Variants in GRM1 observed in about 807,000 individuals in gnomAD.
GRM1 encodes metabotropic glutamate receptor 1.
A neutral mutation model predicts 90.9 loss-of-function variants in GRM1; 33 were observed. The observed-to-expected ratio is 0.36, with a 90% CI of 0.28 to 0.49. GRM1 has a LOEUF of 0.49. GRM1 is among the 20% of genes least tolerant of loss of function. The pLI is 0.99. For synonymous variants in GRM1, 700 were observed against 613.2 expected, an observed-to-expected ratio of 1.14 and a Z score of -2.09; for missense variants, 1,190 against 1,534.3, an observed-to-expected ratio of 0.78 and a Z score of 3.75.
At chr6:146,186,943 G>T (rs936527467) in intron 2 of GRM1, among the ~76,000 whole-genome samples, 1 of 152,116 alleles carries the variant, frequency 6.6e-6, no homozygotes, top group African/African-American at 2.4e-5. Flanking sequence ...AACTTTAAAG[G>T]TCTCTACCTA....
intron 7 of GRM1, among the ~76,000 whole-genome samples, chr6:146,423,409 T>C (rs1440246789): frequency 2.6e-5 from 4 of 152,114 alleles, no homozygotes; most frequent in African/African-American, 9.7e-5. Flanking sequence ...ATGTTTCACT[T>C]CAATGCAAAG....
Position 146,386,940 on chromosome 6 carries a change from A to G in GRM1, c.1653A>G (p.Lys551=). Residue 551 remains lysine, a synonymous_variant, in exon 6 of 8, where the codon AAA becomes AAG. Transcript: ENST00000282753. ...VSCCWICTAC[K]ENEYVQDEFT... The stretch of plus-strand genomic sequence containing the variant: ...GCTGCTGGATTTGCACGGCCTGCAA[A>G]GAGAATGAATATGTGCAAGATGAGT... The G allele has an allele frequency of 1.9e-6, 3 of 1,612,024 alleles. No individual in the cohort carries two copies. Among genetic ancestry groups the G allele is most frequent in the Non-Finnish European group, 2.5e-6 (3 of 1,178,228 alleles).
At chr6:146,353,920 C>T (rs1279525937) in intron 4 of GRM1, among the ~76,000 whole-genome samples, 1 of 152,198 alleles carries the variant, frequency 6.6e-6, no homozygotes, top group African/African-American at 2.4e-5. Context: ...GCGTGAGCCA[C>T]TTTGCCCGGC....
chr6:146,204,322 T>A (rs954492202), intron 2 of GRM1, among the ~76,000 whole-genome samples: 2 of 152,210 alleles, frequency 1.3e-5, no homozygotes, highest in African/African-American at 4.8e-5. Context: ...ATTTGCCAAT[T>A]TACCCTAATT....
At chr6:146,316,413 A>G (rs1372268867) in intron 3 of GRM1, among the ~76,000 whole-genome samples, 1 of 152,188 alleles carries the variant, frequency 6.6e-6, no homozygotes, top group Non-Finnish European at 1.5e-5. Flanking sequence ...CATGGAAATG[A>G]ATTTATTCAC....
intron 2 of GRM1, among the ~76,000 whole-genome samples, chr6:146,185,941 C>G (rs913331050): frequency 3.3e-5 from 5 of 151,218 alleles, no homozygotes; most frequent in South Asian, 2.1e-4. Context: ...TATAGACATA[C>G]TTTTTTTTCT....
intron 5 of GRM1, among the ~76,000 whole-genome samples, chr6:146,372,387 C>T (rs1056221735): frequency 1.3e-5 from 2 of 152,114 alleles, no homozygotes; most frequent in Middle Eastern, 3.4e-3. Flanking sequence ...GGGTAGTTTG[C>T]AAATATTTTC....
At chr6:146,307,569 C>A (rs547877508) in intron 3 of GRM1, among the ~76,000 whole-genome samples, 10 of 152,076 alleles carry the variant, frequency 6.6e-5, no homozygotes, top group African/African-American at 2.4e-4. Flanking sequence ...ATGTATTATT[C>A]TTATCCATTT....
At chr6:146,173,872 G>C (rs1583112164) in intron 2 of GRM1, among the ~76,000 whole-genome samples, 2 of 151,876 alleles carry the variant, frequency 1.3e-5, no homozygotes, top group South Asian at 4.2e-4. Context: ...TGGCCAAACT[G>C]GTCTCAAACT....
At chr6:146,361,491 G>C (rs1368234199) in intron 5 of GRM1, among the ~76,000 whole-genome samples, 2 of 152,154 alleles carry the variant, frequency 1.3e-5, no homozygotes, top group East Asian at 3.8e-4. Context: ...GGACAGGAAA[G>C]GGGTAGAAAG....
intron 2 of GRM1, among the ~76,000 whole-genome samples, chr6:146,205,362 T>C (rs1779460424): frequency 6.6e-6 from 1 of 152,166 alleles, no homozygotes. Flanking sequence ...TTTTTCTATT[T>C]ATTTTCCTCA....
intron 2 of GRM1, among the ~76,000 whole-genome samples, chr6:146,233,729 T>G (rs909199948): frequency 6.6e-6 from 1 of 152,138 alleles, no homozygotes; most frequent in African/African-American, 2.4e-5. Context: ...TATAGTTTAC[T>G]TATAGTCTAG....
At chr6:146,375,749 C>T (rs1776075860) in intron 5 of GRM1, among the ~76,000 whole-genome samples, 1 of 151,970 alleles carries the variant, frequency 6.6e-6, no homozygotes, top group African/African-American at 2.4e-5. Flanking sequence ...TTATCTTTTG[C>T]CATCCTTTTA....
At chr6:146,127,652 C>A (rs1351644974) in intron 1 of GRM1, among the ~76,000 whole-genome samples, 2 of 152,086 alleles carry the variant, frequency 1.3e-5, no homozygotes, top group Non-Finnish European at 1.5e-5. Flanking sequence ...GCTGAAGAAG[C>A]AAAATTTGAA....
At chr6:146,270,957 C>CCTTCCTTCCTTCCT (rs1782132306) in intron 2 of GRM1, among the ~76,000 whole-genome samples, 4 of 92,376 alleles carry the variant, frequency 4.3e-5, no homozygotes, top group African/African-American at 7.1e-5. Flanking sequence ...TCCTTCCTTT[C>CCTTCCTTCCTTCCT]TTTCTTTCTT....
intron 1 of GRM1, among the ~76,000 whole-genome samples, chr6:146,061,205 T>C (rs577022337): frequency 6.6e-6 from 1 of 152,246 alleles, no homozygotes; most frequent in African/African-American, 2.4e-5. Flanking sequence ...GGATCACTTA[T>C]CATAGATCAT....
chr6:146,058,409 G>A (rs571848567), intron 1 of GRM1, among the ~76,000 whole-genome samples: 1 of 152,210 alleles, frequency 6.6e-6, no homozygotes, highest in African/African-American at 2.4e-5. Context: ...GTGTGAAATA[G>A]TATTATGCCT....
chr6:146,091,288 A>C (rs1776707205), intron 1 of GRM1, among the ~76,000 whole-genome samples: 1 of 152,112 alleles, frequency 6.6e-6, no homozygotes, highest in African/African-American at 2.4e-5. Flanking sequence ...CTTTTCAGGA[A>C]GTAGAGCTCC....
At chr6:146,393,379 GT>G (rs1776803209) in intron 6 of GRM1, among the ~76,000 whole-genome samples, 3 of 152,056 alleles carry the variant, frequency 2.0e-5, no homozygotes, top group African/African-American at 7.2e-5. Context: ...TGATGCAGTT[GT>G]TTTATTTTTT....
Sources: gnomAD v4.1 joint callset for allele counts (sites outside exome capture counted in the v4.1 genomes callset) on GRCh38, gnomAD v4.1.1 for gene constraint, MANE v1.5 for transcripts, NCBI Gene and HGNC (gene_info 2026-07-23, HGNC 2026-07-21) for gene names.